PTPRD: variants seen among roughly 807,000 people sequenced by gnomAD.
PTPRD encodes receptor-type tyrosine-protein phosphatase delta.
In PTPRD, 34 loss-of-function variants were observed where a neutral mutation model predicts 214.5. The ratio of observed to expected loss-of-function variants is 0.16; its 90% CI spans 0.12 to 0.21. The LOEUF (loss-of-function observed/expected upper bound fraction) is 0.21, where lower values mean the gene tolerates loss of function less well. Ranked by LOEUF, PTPRD falls within the 10% of genes least tolerant of loss-of-function variation. The probability of loss-of-function intolerance (pLI) is 1.00; values close to 1 mark genes in which losing one functional copy is unlikely to be tolerated. For missense variants in PTPRD, 2,545 were observed against 2,398.7 expected, an observed-to-expected ratio of 1.06 and a Z score of -1.27; for synonymous variants, 1,128 against 845.7, an observed-to-expected ratio of 1.33 and a Z score of -5.79.
chr9:10,548,158 T>C (rs2060547831), intron 2 of PTPRD, among the ~76,000 whole-genome samples: 1 of 152,110 alleles, frequency 6.6e-6, no homozygotes, highest in Admixed American at 6.6e-5. Context: ...CTTAACCATA[T>C]TTAAAGTTGG....
intron 5 of PTPRD, among the ~76,000 whole-genome samples, chr9:9,915,226 T>C (rs931529991): frequency 2.0e-5 from 3 of 152,160 alleles, no homozygotes; most frequent in African/African-American, 4.8e-5. Context: ...CCCATTCGTA[T>C]GAACATATCT....
chr9:10,206,181 C>T (rs577724666), intron 3 of PTPRD, among the ~76,000 whole-genome samples: 3 of 151,412 alleles, frequency 2.0e-5, no homozygotes, highest in Non-Finnish European at 2.9e-5. Context: ...AGAAATAGCA[C>T]GCATGAAATC....
At chr9:9,736,547 T>G (rs1290106618) in intron 6 of PTPRD, among the ~76,000 whole-genome samples, 43 of 152,084 alleles carry the variant, frequency 2.8e-4, no homozygotes, top group Non-Finnish European at 4.4e-5. Context: ...TATGTTCTAC[T>G]TTAGCAAATA....
chr9:10,226,738 G>C (rs1594764043), intron 3 of PTPRD, among the ~76,000 whole-genome samples: 1 of 151,932 alleles, frequency 6.6e-6, no homozygotes, highest in South Asian at 2.1e-4. Flanking sequence ...CTGTTTGTCA[G>C]CATGAGATAA....
chr9:10,373,465 A>G (rs1290668254), intron 2 of PTPRD, among the ~76,000 whole-genome samples: 3 of 152,064 alleles, frequency 2.0e-5, no homozygotes, highest in Non-Finnish European at 4.4e-5. Context: ...TTATATATTT[A>G]CTCATCATTA....
chr9:9,162,023 G>T (rs942969354), intron 10 of PTPRD, among the ~76,000 whole-genome samples: 1 of 151,984 alleles, frequency 6.6e-6, no homozygotes, highest in African/African-American at 2.4e-5. Context: ...AAGGGATTCA[G>T]CATTTTCAAA....
At chr9:9,083,242 A>C (rs929376621) in intron 10 of PTPRD, among the ~76,000 whole-genome samples, 7 of 152,310 alleles carry the variant, frequency 4.6e-5, no homozygotes, top group Admixed American at 2.0e-4. Flanking sequence ...CGCAGAAATA[A>C]CACCACACAT....
chr9:9,963,788 T>C (rs1048933540), intron 4 of PTPRD, among the ~76,000 whole-genome samples: 3 of 152,170 alleles, frequency 2.0e-5, no homozygotes, highest in African/African-American at 7.2e-5. Flanking sequence ...ATTTAGTTCC[T>C]GAAGGGTACC....
chr9:9,116,325 G>C (rs1391448123), intron 10 of PTPRD, among the ~76,000 whole-genome samples: 1 of 152,036 alleles, frequency 6.6e-6, no homozygotes, highest in Non-Finnish European at 1.5e-5. Context: ...CAGCAACTTG[G>C]ATGGTGCTGG....
intron 4 of PTPRD, among the ~76,000 whole-genome samples, chr9:9,970,961 A>G (rs2095066086): frequency 1.3e-5 from 2 of 152,136 alleles, no homozygotes; most frequent in Non-Finnish European, 2.9e-5. Context: ...CTTTGTTGCT[A>G]TTTTTAATGA....
At chr9:9,451,994 A>G (rs1025038473) in intron 8 of PTPRD, among the ~76,000 whole-genome samples, 6 of 151,512 alleles carry the variant, frequency 4.0e-5, no homozygotes, top group African/African-American at 1.2e-4. Context: ...TAGAATTATC[A>G]TACGTACAGT....
chr9:8,356,018 A>C (rs1000587867), intron 39 of PTPRD, among the ~76,000 whole-genome samples: 3 of 152,180 alleles, frequency 2.0e-5, no homozygotes, highest in African/African-American at 7.2e-5. Context: ...AAAATCTCTC[A>C]TTCATAAGGA....
intron 11 of PTPRD, among the ~76,000 whole-genome samples, chr9:8,915,792 G>A (rs1293067587): frequency 6.6e-6 from 1 of 152,138 alleles, no homozygotes; most frequent in East Asian, 1.9e-4. Flanking sequence ...ATTGGATGAG[G>A]CACATCCACA....
At chr9:9,921,043 C>T (rs1052991131) in intron 5 of PTPRD, among the ~76,000 whole-genome samples, 1 of 152,044 alleles carries the variant, frequency 6.6e-6, no homozygotes, top group Non-Finnish European at 1.5e-5. Flanking sequence ...GCCTTTAGCT[C>T]CTGGCAAAGG....
At chr9:8,480,291 G>A (rs2096853764) in intron 30 of PTPRD, among the ~76,000 whole-genome samples, 1 of 152,070 alleles carries the variant, frequency 6.6e-6, no homozygotes, top group Non-Finnish European at 1.5e-5. Flanking sequence ...CCACTCCCAT[G>A]GCCCAGCTAA....
chr9:8,965,006 G>T (rs1437207858), intron 11 of PTPRD, among the ~76,000 whole-genome samples: 2 of 152,010 alleles, frequency 1.3e-5, no homozygotes, highest in Non-Finnish European at 2.9e-5. Context: ...GTGAAGATGA[G>T]AATATATATT....
chr9:9,971,228 G>T (rs2095080586), intron 4 of PTPRD, among the ~76,000 whole-genome samples: 2 of 152,128 alleles, frequency 1.3e-5, no homozygotes, highest in Admixed American at 1.3e-4. Context: ...CTTTTAAGTA[G>T]TAATTCTTCA....
At chr9:9,359,832 G>A (rs1418711570) in intron 9 of PTPRD, among the ~76,000 whole-genome samples, 1 of 151,208 alleles carries the variant, frequency 6.6e-6, no homozygotes, top group Non-Finnish European at 1.5e-5. Flanking sequence ...GCTGCGTGGA[G>A]GCAATATGCT....
chr9:10,301,117 G>C (rs748471448), intron 3 of PTPRD, among the ~76,000 whole-genome samples: 4 of 152,102 alleles, frequency 2.6e-5, no homozygotes, highest in Admixed American at 2.6e-4. Context: ...GTGATACCCA[G>C]GCAAAGAGGG....
Sources: gnomAD v4.1 joint callset for allele counts (sites outside exome capture counted in the v4.1 genomes callset) on GRCh38, gnomAD v4.1.1 for gene constraint, MANE v1.5 for transcripts, NCBI Gene and HGNC (gene_info 2026-07-23, HGNC 2026-07-21) for gene names.